Variants in R3HCC1L observed in about 807,000 individuals in gnomAD.
R3HCC1L encodes R3H domain and coiled-coil containing 1 like, also known as coiled-coil domain-containing protein R3HCC1L.
R3HCC1L carries 51 observed loss-of-function variants against 59.9 expected under a neutral mutation model. That is an observed-to-expected ratio of 0.85 (90% CI 0.68 to 1.07). R3HCC1L has a LOEUF of 1.07. Ranked by LOEUF, R3HCC1L falls within the 50% of genes least tolerant of loss-of-function variation. R3HCC1L has a pLI of 0.00. For missense variants in R3HCC1L, 965 were observed against 933.0 expected (o/e 1.03, Z -0.45); for synonymous variants, 322 against 315.2 (o/e 1.02, Z -0.23).
chr10:98,205,914 A>C (rs929498635), intron 4 of R3HCC1L, among the ~76,000 whole-genome samples: 3 of 152,152 alleles, frequency 2.0e-5, no homozygotes, highest in Non-Finnish European at 2.9e-5. Flanking sequence ...GACAGAGCTC[A>C]TTTCCTGGTA....
At chr10:98,197,365 G>A (rs561945683) in intron 4 of R3HCC1L, among the ~76,000 whole-genome samples, 22 of 152,190 alleles carry the variant, frequency 1.4e-4, no homozygotes, top group African/African-American at 5.1e-4. Context: ...TCTCTGACTC[G>A]ATTTAAACAT....
At chr10:98,185,460 G>A (rs1269473558) in intron 4 of R3HCC1L, among the ~76,000 whole-genome samples, 1 of 152,182 alleles carries the variant, frequency 6.6e-6, no homozygotes. Flanking sequence ...AGGCTTCTCA[G>A]AGAAAGAACT....
chr10:98,195,594 C>CAA (rs574565567), intron 4 of R3HCC1L, among the ~76,000 whole-genome samples: 4 of 92,108 alleles, frequency 4.3e-5, no homozygotes, highest in African/African-American at 1.3e-4. Flanking sequence ...AAAATACACA[C>CAA]AAAAAAAAAC....
In R3HCC1L at chr10:98,236,079, G is replaced by T. The variant is rs753208937; in HGVS notation, c.2184G>T (p.Arg728Ser). The change falls in exon 9 of 10, where the codon AGG becomes AGT. Residue 728 changes from arginine to serine, a missense_variant. Arg to Ser is a moderately radical substitution (Grantham distance 110). Transcript: ENST00000298999. ...AGACTTCAGCAGCCCTAGCCAGAAG[G>T]TTAGTCATCAGTGCCCTTGGGGTTC... ...RPETSAALARRLVISALGVRS... is the reference protein window; with the variant it reads ...RPETSAALARSLVISALGVRS... 1.2e-6 allele frequency: 2 copies of T among 1,614,026 alleles called. No homozygotes were observed. Among genetic ancestry groups the T allele is most frequent in the South Asian group, 2.2e-5 (2 of 91,082 alleles).
At chr10:98,203,538 TG>T (rs1404194976) in intron 4 of R3HCC1L, among the ~76,000 whole-genome samples, 1 of 152,258 alleles carries the variant, frequency 6.6e-6, no homozygotes. Context: ...AAATATCAGA[TG>T]TCTCATGTGA....
At chr10:98,172,978 C>T (rs913989746) in intron 4 of R3HCC1L, among the ~76,000 whole-genome samples, 1 of 152,074 alleles carries the variant, frequency 6.6e-6, no homozygotes, top group Non-Finnish European at 1.5e-5. Context: ...CATTGTGGTA[C>T]TTAGGGATGA....
chr10:98,218,810 C>A (rs1160068308), intron 5 of R3HCC1L, among the ~76,000 whole-genome samples: 2 of 152,178 alleles, frequency 1.3e-5, no homozygotes, highest in Non-Finnish European at 2.9e-5. Flanking sequence ...GAGTCTATTT[C>A]TTCCTTTAGA....
chr10:98,210,868 G>T (rs1342010197), intron 5 of R3HCC1L, among the ~76,000 whole-genome samples: 1 of 152,160 alleles, frequency 6.6e-6, no homozygotes, highest in African/African-American at 2.4e-5. Flanking sequence ...TTTGTTCTGA[G>T]AATTAAGCTG....
At chr10:98,174,830 A>G in intron 4 of R3HCC1L, 1 of 929,678 alleles carries the variant, frequency 1.1e-6, no homozygotes, top group Non-Finnish European at 1.3e-6. Context: ...AAAGTCTAGA[A>G]AAAAATGTAT....
intron 4 of R3HCC1L, among the ~76,000 whole-genome samples, chr10:98,172,107 C>G (rs1396310105): frequency 6.6e-6 from 1 of 152,186 alleles, no homozygotes; most frequent in East Asian, 1.9e-4. Context: ...GTCTAAGGCT[C>G]TACACATGTT....
At chr10:98,218,866 G>A (rs559837926) in intron 5 of R3HCC1L, among the ~76,000 whole-genome samples, 2 of 152,224 alleles carry the variant, frequency 1.3e-5, no homozygotes, top group South Asian at 4.1e-4. Context: ...TTTGTTGAGT[G>A]CGTCTATATT....
chr10:98,159,032 C>G (rs1350993558), intron 2 of R3HCC1L, among the ~76,000 whole-genome samples: 1 of 152,132 alleles, frequency 6.6e-6, no homozygotes, highest in Non-Finnish European at 1.5e-5. Flanking sequence ...TCTCAGACTC[C>G]TGGGCTCAAG....
chr10:98,244,020 A>C, intron 9 of R3HCC1L, 71 bp from the exon 10 acceptor site: 10 of 1,399,840 alleles, frequency 7.1e-6, no homozygotes, highest in Non-Finnish European at 8.1e-6. Context: ...TTTGCCTTGT[A>C]ATTTGGATTA....
At chr10:98,175,409 A>G (rs2134433650) in intron 4 of R3HCC1L, among the ~76,000 whole-genome samples, 1 of 152,178 alleles carries the variant, frequency 6.6e-6, no homozygotes, top group East Asian at 1.9e-4. Context: ...CTCCCACACA[A>G]TTAAAATGCA....
intron 4 of R3HCC1L, chr10:98,186,616 G>A: frequency 4.7e-6 from 3 of 632,550 alleles, no homozygotes; most frequent in Non-Finnish European, 5.9e-6. Context: ...CAACATTGCT[G>A]TGGGTGCCAA....
chr10:98,135,531 A>G (rs1465733944), intron 1 of R3HCC1L, among the ~76,000 whole-genome samples: 1 of 152,186 alleles, frequency 6.6e-6, no homozygotes, highest in African/African-American at 2.4e-5. Flanking sequence ...TCTCCAGTCT[A>G]GGTCAGTTGA....
rs757777932 is a variant in R3HCC1L at position 98,209,818 on chromosome 10, G to A, written c.1704G>A (p.Glu568=). The change falls in exon 5 of 10, where the codon GAG becomes GAA. Residue 568 remains glutamate, a synonymous_variant. Coordinates refer to ENST00000298999, the MANE Select transcript of R3HCC1L (RefSeq NM_001351015.2). ...EPKATETSHT[E]GITAIEESWE... is the part of the protein sequence containing the mutation. The stretch of plus-strand genomic sequence containing the variant: ...AAGCAACTGAAACTTCTCACACAGA[G>A]GGAATTACTGCCATTGAGGAGAGCT... 2 of 1,613,848 alleles carry A rather than the reference G, an allele frequency of 1.2e-6. No homozygotes were observed. The highest frequency in any genetic ancestry group is 8.5e-7 in the Non-Finnish European group (1 of 1,179,822).
chr10:98,208,377 CT>C lies in R3HCC1L; in HGVS notation c.265del (p.Ser89GlnfsTer4). ...CATAATTGTAGAGAAGAAAAGAAAT[CT>C]TCAACAAAATTAAGAATGGACACAT... ...KEHNCREEKK[S>X]STKLRMDTCL... On this transcript the variant is annotated frameshift_variant, in exon 5 of 10. Coordinates refer to ENST00000298999, the MANE Select transcript of R3HCC1L (RefSeq NM_001351015.2). LOFTEE classifies it high-confidence loss of function. The C allele has an allele frequency of 6.2e-7, 1 of 1,613,890 alleles. No homozygotes were observed. Among genetic ancestry groups the C allele is most frequent in the Non-Finnish European group, 8.5e-7 (1 of 1,179,956 alleles).
chr10:98,177,262 T>C (rs2134469769), intron 4 of R3HCC1L, among the ~76,000 whole-genome samples: 1 of 152,184 alleles, frequency 6.6e-6, no homozygotes, highest in South Asian at 2.1e-4. Context: ...TTCCCACCTA[T>C]GAGTGAGAAC....
Sources: gnomAD v4.1 joint callset for allele counts (sites outside exome capture counted in the v4.1 genomes callset) on GRCh38, gnomAD v4.1.1 for gene constraint, MANE v1.5 for transcripts, NCBI Gene and HGNC (gene_info 2026-07-23, HGNC 2026-07-21) for gene names.